FBXL17: variants seen among roughly 807,000 people sequenced by gnomAD.
FBXL17 encodes F-box/LRR-repeat protein 17.
Under a neutral mutation model 66.2 loss-of-function variants are expected in FBXL17, and 22 were observed. The ratio of observed to expected loss-of-function variants is 0.33; its 90% CI spans 0.24 to 0.47. The LOEUF is 0.47. Ranked by LOEUF, FBXL17 falls within the 20% of genes least tolerant of loss-of-function variation. FBXL17 has a pLI of 1.00. For missense variants in FBXL17, 878 were observed against 948.2 expected, an observed-to-expected ratio of 0.93 and a Z score of 0.97; for synonymous variants, 474 against 400.5, an observed-to-expected ratio of 1.18 and a Z score of -2.19.
chr5:108,040,498 C>A (rs1399215512), intron 6 of FBXL17, among the ~76,000 whole-genome samples: 2 of 151,898 alleles, frequency 1.3e-5, no homozygotes, highest in Non-Finnish European at 2.9e-5. Flanking sequence ...TCTATTTCTG[C>A]ACACACAAAT....
intron 8 of FBXL17, among the ~76,000 whole-genome samples, chr5:107,877,193 C>A (rs1256814077): frequency 6.6e-6 from 1 of 152,192 alleles, no homozygotes; most frequent in Non-Finnish European, 1.5e-5. Context: ...CTTCTTAATG[C>A]ACTTCCTGAC....
rs1011508666 is a variant in FBXL17 at position 108,382,098 on chromosome 5, T to A, written c.-407A>T. The A allele has an allele frequency of 2.5e-6, 1 of 399,994 alleles. No homozygotes were observed. Among genetic ancestry groups the A allele is most frequent in the Non-Finnish European group, 3.4e-6 (1 of 292,300 alleles). The allele number at this position is 399,994 out of a possible 1,614,324, so 24.8% of individuals were successfully genotyped here. A position where few individuals can be genotyped will look rare whatever the true frequency, so the allele number is the denominator to read the frequency against. ...CCGCCGGCGCGCGCACCCGCGACTC[T>A]GCTCGGAGCCGCAGGAGCGCGCGGC... On this transcript the variant is annotated 5_prime_UTR_variant, in exon 1 of 9. Transcript: ENST00000542267.
At chr5:107,971,374 G>A (rs565808135) in intron 7 of FBXL17, among the ~76,000 whole-genome samples, 79 of 152,222 alleles carry the variant, frequency 5.2e-4, no homozygotes, top group African/African-American at 1.8e-3. Flanking sequence ...ACTTCCACAC[G>A]TAAACTTAAG....
intron 2 of FBXL17, among the ~76,000 whole-genome samples, chr5:108,367,217 C>G (rs182708478): frequency 6.6e-6 from 1 of 151,662 alleles, no homozygotes; most frequent in African/African-American, 2.4e-5. Context: ...TCTAACAAGT[C>G]AAAAAAACTG....
chr5:108,117,102 T>A (rs529582269), intron 6 of FBXL17, among the ~76,000 whole-genome samples: 4 of 152,216 alleles, frequency 2.6e-5, no homozygotes, highest in African/African-American at 9.6e-5. Context: ...AATCTTGACA[T>A]TTTAATTTTA....
chr5:108,019,482 T>C (rs1350027472), intron 7 of FBXL17, among the ~76,000 whole-genome samples: 1 of 151,958 alleles, frequency 6.6e-6, no homozygotes, highest in African/African-American at 2.4e-5. Context: ...GGATTTACTA[T>C]CCATAACTCC....
intron 3 of FBXL17, among the ~76,000 whole-genome samples, chr5:108,349,730 T>C (rs950615247): frequency 1.3e-5 from 2 of 152,192 alleles, no homozygotes; most frequent in African/African-American, 2.4e-5. Flanking sequence ...TCATTTTAAA[T>C]GCGCAAATAC....
At chr5:107,972,851 G>C (rs1752423845) in intron 7 of FBXL17, among the ~76,000 whole-genome samples, 2 of 152,128 alleles carry the variant, frequency 1.3e-5, no homozygotes, top group Admixed American at 6.5e-5. Flanking sequence ...TGTCAAAATA[G>C]TTTAATAAAA....
intron 6 of FBXL17, among the ~76,000 whole-genome samples, chr5:108,049,309 A>AT (rs112236020): frequency 2.0e-3 from 292 of 145,874 alleles, no homozygotes; most frequent in Non-Finnish European, 2.9e-3. Context: ...CACCCAGCTA[A>AT]TTTTTTTTTT....
chr5:108,380,512 T>A (rs923553390), intron 1 of FBXL17, among the ~76,000 whole-genome samples, 187 bp downstream of exon 1: 9 of 152,172 alleles, frequency 5.9e-5, no homozygotes, highest in Admixed American at 1.3e-4. Flanking sequence ...AGACTCCAAG[T>A]GCTCCTACTT....
chr5:108,125,579 G>A (rs1224222844), intron 6 of FBXL17, among the ~76,000 whole-genome samples: 1 of 152,006 alleles, frequency 6.6e-6, no homozygotes, highest in Non-Finnish European at 1.5e-5. Context: ...AGTATTCTAT[G>A]GAGGGTGGCA....
At chr5:107,899,809 T>C (rs1258223941) in intron 7 of FBXL17, among the ~76,000 whole-genome samples, 1 of 152,164 alleles carries the variant, frequency 6.6e-6, no homozygotes, top group East Asian at 1.9e-4. Flanking sequence ...AATTAAATCC[T>C]GAGGAGGGGG....
rs190636756 is a variant in FBXL17, at chr5:108,208,729, T to C, written c.1614+15392A>G. 1.5e-3 allele frequency among the ~76,000 whole-genome samples: 235 copies of C among 152,318 alleles called. 1 individual carries two copies. Among genetic ancestry groups the C allele is most frequent in the African/African-American group, 5.6e-3 (232 of 41,566 alleles). On this transcript the variant is annotated intron_variant, in intron 5 of 8. Coordinates refer to ENST00000542267, the MANE Select transcript of FBXL17 (RefSeq NM_001163315.3). ...GTTACTGTACCCTTATAGTATAGTT[T>C]GCAGTCAGGTAGCATGATGCCTCCA...
rs768615062 is a variant in FBXL17, at chr5:108,154,616, T to TACACAC, written c.1745+31495_1745+31500dup. ...AAAAAAAAAAAAAAAAATATATATA[T>TACACAC]ACACACACACACACACACACACACA... On this transcript the variant is annotated intron_variant, in intron 6 of 8. Transcript: ENST00000542267. 3.7e-3 allele frequency among the ~76,000 whole-genome samples: 357 copies of TACACAC among 96,246 alleles called. 5 individuals carry two copies. Among genetic ancestry groups the TACACAC allele is most frequent in the Middle Eastern group, 5.8e-3 (1 of 172 alleles). 63.1% of individuals were successfully genotyped at this position (96,246 alleles called of 152,430 possible).
At chr5:108,078,166 A>G (rs1364949794) in intron 6 of FBXL17, among the ~76,000 whole-genome samples, 2 of 152,238 alleles carry the variant, frequency 1.3e-5, no homozygotes, top group Non-Finnish European at 2.9e-5. Flanking sequence ...CCCATCTGCA[A>G]TGCCACCACA....
At chr5:108,358,355 T>C (rs1051312569) in intron 3 of FBXL17, among the ~76,000 whole-genome samples, 3 of 152,156 alleles carry the variant, frequency 2.0e-5, no homozygotes, top group Non-Finnish European at 1.5e-5. Context: ...ATCACTCTAT[T>C]CCTAGTTTGA....
chr5:107,942,147 C>G (rs753034328), intron 7 of FBXL17, among the ~76,000 whole-genome samples: 2 of 152,170 alleles, frequency 1.3e-5, no homozygotes, highest in Non-Finnish European at 2.9e-5. Flanking sequence ...AATACCAGCA[C>G]ATCTACTGAA....
At chr5:108,257,707 T>C (rs138381338) in intron 4 of FBXL17, among the ~76,000 whole-genome samples, 1 of 152,228 alleles carries the variant, frequency 6.6e-6, no homozygotes, top group Non-Finnish European at 1.5e-5. Flanking sequence ...GGAATTCTCA[T>C]GCCAAAATAT....
At chr5:108,300,756 T>G (rs1158533407) in intron 4 of FBXL17, among the ~76,000 whole-genome samples, 1 of 151,750 alleles carries the variant, frequency 6.6e-6, no homozygotes, top group Non-Finnish European at 1.5e-5. Context: ...AAAATAAAGA[T>G]ATATATTTTT....
Sources: gnomAD v4.1 joint callset for allele counts (sites outside exome capture counted in the v4.1 genomes callset) on GRCh38, gnomAD v4.1.1 for gene constraint, MANE v1.5 for transcripts, NCBI Gene and HGNC (gene_info 2026-07-23, HGNC 2026-07-21) for gene names.